The following SGCD variants were observed in gnomAD, a reference collection of about 807,000 sequenced individuals.
SGCD encodes delta-sarcoglycan.
In SGCD, 18 loss-of-function variants were observed where a neutral mutation model predicts 36.6. That is an observed-to-expected ratio of 0.49 (90% CI 0.34 to 0.73). The LOEUF (loss-of-function observed/expected upper bound fraction) is 0.73, where lower values mean the gene tolerates loss of function less well. Ranked by LOEUF, SGCD falls within the 30% of genes least tolerant of loss-of-function variation. The pLI is 0.01. For missense variants in SGCD, 387 were observed against 346.7 expected, an observed-to-expected ratio of 1.12 and a Z score of -0.92; for synonymous variants, 133 against 130.6, an observed-to-expected ratio of 1.02 and a Z score of -0.12.
chr5:156,716,138 A>C (rs910685426), intron 7 of SGCD, among the ~76,000 whole-genome samples: 1 of 152,188 alleles, frequency 6.6e-6, no homozygotes, highest in African/African-American at 2.4e-5. Context: ...GCTACCCCAC[A>C]GTGCTCCTAA....
At chr5:156,751,634 TAAAC>T (rs1383530071) in intron 7 of SGCD, among the ~76,000 whole-genome samples, 1 of 151,916 alleles carries the variant, frequency 6.6e-6, no homozygotes, top group Non-Finnish European at 1.5e-5. Flanking sequence ...AAAATAGAAA[TAAAC>T]AAAATAGATG....
At position 156,689,244 on chromosome 5, in the gene SGCD, C is replaced by T. The variant is rs140570532; in HGVS notation, c.575+41708C>T. Among the ~76,000 whole-genome samples the T allele has an allele frequency of 6.6e-5, 10 of 152,252 alleles. 1 individual carries two copies. In the South Asian group the frequency reaches 1.2e-3, roughly 19 times the overall value. ...CCTGCACTATTTTTACAACTTTTCT[C>T]GAAATCCAAAATTAATCCAAGTATA... On this transcript the variant is annotated intron_variant, in intron 7 of 8. Transcript: ENST00000337851.
chr5:156,229,399 G>T (rs1242791241), intron 3 of SGCD, among the ~76,000 whole-genome samples: 2 of 149,678 alleles, frequency 1.3e-5, no homozygotes, highest in African/African-American at 4.9e-5. Context: ...TTCTGAAAAA[G>T]ACCTTATCTT....
At chr5:156,312,122 G>T (rs191854850) in intron 3 of SGCD, among the ~76,000 whole-genome samples, 2 of 152,266 alleles carry the variant, frequency 1.3e-5, no homozygotes, top group Admixed American at 6.5e-5. Context: ...ATGCCTACAC[G>T]TACCAAAGGT....
chr5:155,890,196 G>T (rs1756091942), intron 1 of SGCD, among the ~76,000 whole-genome samples: 1 of 152,214 alleles, frequency 6.6e-6, no homozygotes, highest in Non-Finnish European at 1.5e-5. Flanking sequence ...TGAAGAAACA[G>T]AAACTCTGTG....
At chr5:156,264,128 G>A (rs148713239) in intron 3 of SGCD, among the ~76,000 whole-genome samples, 128 of 152,164 alleles carry the variant, frequency 8.4e-4, no homozygotes, top group African/African-American at 3.1e-3. Context: ...TGTTAGAGAA[G>A]AAAGTGTAAT....
intron 4 of SGCD, among the ~76,000 whole-genome samples, chr5:156,511,869 A>G (rs1756942686): frequency 6.6e-6 from 1 of 152,138 alleles, no homozygotes; most frequent in Admixed American, 6.5e-5. Context: ...AGTGTCTCTT[A>G]AGTCTATTCT....
chr5:156,444,125 T>C (rs1301138877), intron 3 of SGCD, among the ~76,000 whole-genome samples: 1 of 117,872 alleles, frequency 8.5e-6, no homozygotes, highest in East Asian at 2.7e-4. Flanking sequence ...TCCCCTTCCC[T>C]CTCTCTCTCT....
chr5:156,647,956 GA>G (rs1434340763), intron 7 of SGCD, among the ~76,000 whole-genome samples: 1 of 152,140 alleles, frequency 6.6e-6, no homozygotes, highest in Non-Finnish European at 1.5e-5. Flanking sequence ...TATGGTACTA[GA>G]AAGAACCCCC....
chr5:156,600,885 C>T (rs1761162237), intron 6 of SGCD, among the ~76,000 whole-genome samples: 1 of 152,084 alleles, frequency 6.6e-6, no homozygotes, highest in Admixed American at 6.5e-5. Flanking sequence ...GATGGTATCT[C>T]ATTTGCATTT....
intron 3 of SGCD, among the ~76,000 whole-genome samples, chr5:156,488,745 CA>C (rs1561729551): frequency 6.6e-6 from 1 of 152,010 alleles, no homozygotes; most frequent in African/African-American, 2.4e-5. Flanking sequence ...ATACACAAAT[CA>C]AAAAGAGAAA....
At chr5:156,047,691 C>A (rs1759806288) in intron 1 of SGCD, among the ~76,000 whole-genome samples, 1 of 152,062 alleles carries the variant, frequency 6.6e-6, no homozygotes, top group Non-Finnish European at 1.5e-5. Context: ...ATTGACAATG[C>A]ACCTGGCCAT....
chr5:156,574,649 T>C (rs967644800), intron 4 of SGCD, among the ~76,000 whole-genome samples: 6 of 152,154 alleles, frequency 3.9e-5, no homozygotes, highest in African/African-American at 1.4e-4. Flanking sequence ...GTTATTCTGA[T>C]TTTTTAAGAG....
At chr5:156,392,328 G>A (rs540055752) in intron 3 of SGCD, among the ~76,000 whole-genome samples, 24 of 152,156 alleles carry the variant, frequency 1.6e-4, no homozygotes, top group Non-Finnish European at 3.2e-4. Flanking sequence ...GAATACATGT[G>A]GCAAAAGGAA....
At chr5:156,578,773 T>C (rs906876195) in intron 4 of SGCD, among the ~76,000 whole-genome samples, 6 of 152,228 alleles carry the variant, frequency 3.9e-5, no homozygotes, top group Non-Finnish European at 8.8e-5. Flanking sequence ...CCCATTATCA[T>C]GTTTTATTGC....
chr5:155,966,905 A>G (rs13357330), intron 1 of SGCD, among the ~76,000 whole-genome samples: 3,506 of 151,368 alleles, frequency 0.023, 134 homozygotes, highest in African/African-American at 0.075. Context: ...TTTATTTTCA[A>G]TTCTTTTACA....
At chr5:155,964,867 C>G (rs1757871927) in intron 1 of SGCD, among the ~76,000 whole-genome samples, 1 of 152,116 alleles carries the variant, frequency 6.6e-6, no homozygotes, top group African/African-American at 2.4e-5. Context: ...AAAGGTCATT[C>G]AACGCCTGCA....
In SGCD at chr5:156,300,393, C is replaced by T. The variant is rs145453439; in HGVS notation, c.-43-29141C>T. On this transcript the variant is annotated intron_variant, in intron 3 of 9. Transcript: ENST00000517913. ...CATTGACCCACTCATCATTTAGGAG[C>T]ATATTGTTTAATTTACCTGTGTTTG... Among the ~76,000 whole-genome samples, 680 of 152,074 alleles carry T rather than the reference C, an allele frequency of 4.5e-3. 5 individuals carry two copies. Among genetic ancestry groups the T allele is most frequent in the African/African-American group, 0.016 (651 of 41,524 alleles).
At chr5:155,930,296 T>A (rs1203619337) in intron 1 of SGCD, among the ~76,000 whole-genome samples, 1 of 152,162 alleles carries the variant, frequency 6.6e-6, no homozygotes, top group Non-Finnish European at 1.5e-5. Context: ...CAGTGGGGTG[T>A]GCTTATATGA....
Sources: allele counts gnomAD v4.1 joint callset (sites outside exome capture counted in the v4.1 genomes callset), GRCh38; gene constraint gnomAD v4.1.1; transcripts MANE v1.5; gene names NCBI Gene and HGNC (gene_info 2026-07-23, HGNC 2026-07-21).